The following SENP5 variants were observed in gnomAD, a reference collection of about 807,000 sequenced individuals.
SENP5 encodes the protein sentrin-specific protease 5.
SENP5 carries 21 observed loss-of-function variants against 74.2 expected under a neutral mutation model. That is an observed-to-expected ratio of 0.28 (90% CI 0.20 to 0.41). The LOEUF (loss-of-function observed/expected upper bound fraction) is 0.41. Among genes scored for constraint, SENP5 ranks in the 10% least tolerant of loss-of-function variants. The pLI, the probability that SENP5 is intolerant of heterozygous loss-of-function variation, is 1.00. For synonymous variants in SENP5, 311 were observed against 312.7 expected (o/e 0.99, Z 0.06); for missense variants, 717 against 889.1 (o/e 0.81, Z 2.46).
intron 6 of SENP5, 58 bp downstream of exon 6, chr3:196,903,668 G>T (rs1421258115): frequency 3.9e-6 from 4 of 1,026,804 alleles, no homozygotes; most frequent in Non-Finnish European, 5.9e-6. Flanking sequence ...AAACCACTTT[G>T]TGTGGAAGGA....
At chr3:196,874,133 G>A (rs1713347914) in intron 1 of SENP5, among the ~76,000 whole-genome samples, 1 of 145,866 alleles carries the variant, frequency 6.9e-6, no homozygotes, top group Non-Finnish European at 1.5e-5. Flanking sequence ...CTGACAGAAT[G>A]AGACCTTTTT....
Position 196,881,189 on chromosome 3 carries a change from C to G in SENP5, c.-31-3962C>G, listed in dbSNP as rs530580493. On this transcript the variant is annotated intron_variant, in intron 1 of 9. Transcript: ENST00000323460. Reference sequence around the variant, plus strand: ...TCTCAAACTCCTGGGCTCAAACAGTCCACCCATCTCAGCCTCCCAAAGTGT... The same window carrying G: ...TCTCAAACTCCTGGGCTCAAACAGTGCACCCATCTCAGCCTCCCAAAGTGT... 2.6e-5 allele frequency among the ~76,000 whole-genome samples: 4 copies of G among 152,228 alleles called. No individual in the cohort carries two copies. The East Asian group carries it at 7.7e-4, about 29-fold the overall frequency.
intron 6 of SENP5, among the ~76,000 whole-genome samples, chr3:196,916,008 G>A (rs375393030): frequency 8.5e-5 from 13 of 152,222 alleles, no homozygotes; most frequent in African/African-American, 2.4e-4. Flanking sequence ...CCCAGACGTC[G>A]ATGAACACCT....
chr3:196,916,432 T>C (rs1018067853), intron 6 of SENP5, among the ~76,000 whole-genome samples: 4 of 151,992 alleles, frequency 2.6e-5, no homozygotes, highest in Non-Finnish European at 4.4e-5. Context: ...TCTCAGACAA[T>C]TGAAAATAGC....
chr3:196,880,071 G>C (rs1040227792), intron 1 of SENP5, among the ~76,000 whole-genome samples: 1 of 151,806 alleles, frequency 6.6e-6, no homozygotes. Flanking sequence ...TCAGCCTCCC[G>C]AGTAGCTGGG....
chr3:196,883,417 C>G (rs955028723), intron 1 of SENP5, among the ~76,000 whole-genome samples: 2 of 152,080 alleles, frequency 1.3e-5, no homozygotes, highest in Admixed American at 1.3e-4. Flanking sequence ...GGGGAAGGGC[C>G]TGGAGGGGAA....
intron 5 of SENP5, among the ~76,000 whole-genome samples, chr3:196,902,626 A>G (rs1714743227): frequency 6.6e-6 from 1 of 152,176 alleles, no homozygotes; most frequent in Non-Finnish European, 1.5e-5. Flanking sequence ...AGGTGACCAC[A>G]CTCTGAGAAC....
chr3:196,906,111 T>G (rs1037623220), intron 6 of SENP5, among the ~76,000 whole-genome samples: 2 of 151,994 alleles, frequency 1.3e-5, no homozygotes, highest in African/African-American at 4.8e-5. Flanking sequence ...TCCCAGCTAC[T>G]TGGGAGGCTG....
intron 7 of SENP5, among the ~76,000 whole-genome samples, chr3:196,926,639 CTTTT>C (rs1192258612): frequency 7.9e-6 from 1 of 126,674 alleles, no homozygotes; most frequent in Admixed American, 8.1e-5. Flanking sequence ...TCCAGTCCAC[CTTTT>C]TTTTTTTTTT....
chr3:196,888,005 C>T (rs1714048372), intron 2 of SENP5, among the ~76,000 whole-genome samples: 1 of 152,044 alleles, frequency 6.6e-6, no homozygotes, highest in African/African-American at 2.4e-5. Context: ...TGAGCTCAGG[C>T]AATCTGCCCG....
In SENP5 at chr3:196,885,355, G is replaced by T; in HGVS notation, c.174G>T (p.Gln58His). 1 of 1,614,196 alleles carries T rather than the reference G, an allele frequency of 6.2e-7. No homozygotes were observed. Among genetic ancestry groups the T allele is most frequent in the South Asian group, 1.1e-5 (1 of 91,080 alleles). ...VTWNRQLRHF[Q>H]GRKKALQIQK... Reference sequence around the variant, plus strand: ...GGAATAGACAGTTGAGACATTTCCAGGGTAGAAAGAAAGCTCTTCAAATCC... The same window carrying T: ...GGAATAGACAGTTGAGACATTTCCATGGTAGAAAGAAAGCTCTTCAAATCC... The change falls in exon 2 of 10, where the codon CAG becomes CAT. Residue 58 changes from glutamine to histidine, a missense_variant. Around this residue, in one of 4 missense-constraint regions of SENP5, gnomAD observed 567 missense variants for 577.4 expected, o/e 0.98. Coordinates refer to ENST00000323460, the MANE Select transcript of SENP5 (RefSeq NM_152699.5).
At chr3:196,880,605 A>G (rs1713678934) in intron 1 of SENP5, among the ~76,000 whole-genome samples, 1 of 144,984 alleles carries the variant, frequency 6.9e-6, no homozygotes, top group South Asian at 2.2e-4. Context: ...CAGGACTTTG[A>G]CTGATGTGAT....
chr3:196,903,733 A>G, intron 6 of SENP5, 123 bp downstream of exon 6: 2 of 577,120 alleles, frequency 3.5e-6, no homozygotes, highest in South Asian at 5.0e-5. Flanking sequence ...TTAATGTGAC[A>G]AGTTTTAAAT....
At chr3:196,895,190 CTTTT>C (rs35820067) in intron 2 of SENP5, among the ~76,000 whole-genome samples, 8 of 123,090 alleles carry the variant, frequency 6.5e-5, no homozygotes, top group Admixed American at 8.4e-5. Context: ...CTTTTAACTT[CTTTT>C]TTTTTTTTTT....
At chr3:196,924,021 G>C (rs1219104976) in intron 7 of SENP5, among the ~76,000 whole-genome samples, 1 of 152,004 alleles carries the variant, frequency 6.6e-6, no homozygotes, top group African/African-American at 2.4e-5. Context: ...ATGTAACTGG[G>C]AATAAGATTC....
At chr3:196,894,126 T>G (rs1306287933) in intron 2 of SENP5, among the ~76,000 whole-genome samples, 3 of 148,058 alleles carry the variant, frequency 2.0e-5, no homozygotes, top group Admixed American at 1.3e-4. Flanking sequence ...GTTTTTTTTT[T>G]TTTTTTTTTT....
Position 196,928,849 on chromosome 3 carries a change from C to A in SENP5, c.2107-784C>A, listed in dbSNP as rs1715913856. On this transcript the variant is annotated intron_variant, in intron 8 of 9. Transcript: ENST00000323460. ...TGGGTATTCTAAATTTAGTCAGGAT[C>A]TTCTGTATTACCGCTTTGAGCAGAA... Among the ~76,000 whole-genome samples the A allele has an allele frequency of 2.0e-5, 3 of 152,188 alleles. No individual in the cohort carries two copies. The South Asian group carries it at 6.2e-4, about 32-fold the overall frequency.
intron 6 of SENP5, among the ~76,000 whole-genome samples, chr3:196,916,130 G>C (rs1231784283): frequency 6.6e-6 from 1 of 152,052 alleles, no homozygotes; most frequent in Non-Finnish European, 1.5e-5. Flanking sequence ...TTCCAGACCA[G>C]CCTGGCCAAC....
chr3:196,890,897 ACTT>A (rs147459503), intron 2 of SENP5, among the ~76,000 whole-genome samples: 2,163 of 152,292 alleles, frequency 0.014, 43 homozygotes, highest in African/African-American at 0.049. Context: ...TTGGATGGTT[ACTT>A]CTTTTGGAGG....
Sources: allele counts gnomAD v4.1 joint callset (sites outside exome capture counted in the v4.1 genomes callset), GRCh38; gene constraint gnomAD v4.1.1; regional missense constraint gnomAD v4.1.1; transcripts MANE v1.5; gene names NCBI Gene and HGNC (gene_info 2026-07-23, HGNC 2026-07-21).